LINGO1: variants seen among roughly 807,000 people sequenced by gnomAD.
LINGO1 encodes the protein leucine rich repeat and Ig domain containing 1.
In LINGO1, 11 loss-of-function variants were observed where a neutral mutation model predicts 37.3. The ratio of observed to expected loss-of-function variants is 0.29; its 90% CI spans 0.19 to 0.49. The LOEUF (loss-of-function observed/expected upper bound fraction) is 0.49. Among genes scored for constraint, LINGO1 ranks in the 20% least tolerant of loss-of-function variants. The probability of loss-of-function intolerance (pLI) is 0.99; values close to 1 mark genes in which losing one functional copy is unlikely to be tolerated. For missense variants in LINGO1, 585 were observed against 878.2 expected (o/e 0.67, Z 4.22); for synonymous variants, 387 against 403.0 (o/e 0.96, Z 0.48).
At chr15:77,739,233 GT>G (rs1306852175) in intron 1 of LINGO1, among the ~76,000 whole-genome samples, 1 of 152,234 alleles carries the variant, frequency 6.6e-6, no homozygotes, top group Non-Finnish European at 1.5e-5. Context: ...GGTCCAGGGA[GT>G]TTTTTCCTTT....
chr15:77,644,562 A>G (rs2074581885), intron 3 of LINGO1, among the ~76,000 whole-genome samples: 1 of 152,168 alleles, frequency 6.6e-6, no homozygotes, highest in Admixed American at 6.5e-5. Context: ...ATACCAGGAG[A>G]GCAAGACAGA....
At chr15:77,664,170 T>TGTGTGTGTGTGTGTGTGTGTGTGTGTGC in intron 3 of LINGO1, among the ~76,000 whole-genome samples, 4 of 130,946 alleles carry the variant, frequency 3.1e-5, no homozygotes, top group African/African-American at 1.5e-4. Context: ...TGTGTGTGTG[T>TGTGTGTGTGTGTGTGTGTGTGTGTGTGC]GCGCGCGCGC....
intron 1 of LINGO1, among the ~76,000 whole-genome samples, chr15:77,775,496 G>A (rs1441875581): frequency 6.6e-6 from 1 of 152,156 alleles, no homozygotes; most frequent in Non-Finnish European, 1.5e-5. Flanking sequence ...TGGCTGGGTG[G>A]CTGAAGGCCA....
chr15:77,673,663 A>G (rs1157248670), intron 3 of LINGO1, among the ~76,000 whole-genome samples: 1 of 151,618 alleles, frequency 6.6e-6, no homozygotes, highest in Non-Finnish European at 1.5e-5. Flanking sequence ...TTTTCTGTCT[A>G]CTCTCCTTCC....
intron 1 of LINGO1, among the ~76,000 whole-genome samples, chr15:77,810,249 C>CAT (rs1567596131): frequency 1.5e-5 from 2 of 129,998 alleles, no homozygotes; most frequent in African/African-American, 5.2e-5. Flanking sequence ...CACACACACA[C>CAT]GCATACACAT....
chr15:77,796,713 T>C (rs1270756676), intron 1 of LINGO1, among the ~76,000 whole-genome samples: 3 of 55,610 alleles, frequency 5.4e-5, no homozygotes, highest in Non-Finnish European at 1.2e-4. Flanking sequence ...TCTCCTGCCT[T>C]TTTTTTTTTT....
intron 3 of LINGO1, among the ~76,000 whole-genome samples, chr15:77,665,813 G>T (rs544780242): frequency 3.3e-5 from 5 of 152,336 alleles, no homozygotes; most frequent in African/African-American, 1.2e-4. Context: ...AGTTCCCTCT[G>T]CCTGTGGTAC....
At chr15:77,693,849 A>G (rs1411610771) in intron 1 of LINGO1, among the ~76,000 whole-genome samples, 1 of 152,194 alleles carries the variant, frequency 6.6e-6, no homozygotes, top group Non-Finnish European at 1.5e-5. Flanking sequence ...CTTCTACCAT[A>G]GACAAGGACT....
At chr15:77,672,210 G>A (rs112131765) in intron 3 of LINGO1, among the ~76,000 whole-genome samples, 70 of 130,716 alleles carry the variant, frequency 5.4e-4, no homozygotes, top group Non-Finnish European at 3.3e-4. Context: ...ACTCAGTGCC[G>A]CCTCCCTCTC....
At chr15:77,794,925 C>T (rs1038072099) in intron 2 of LINGO1, among the ~76,000 whole-genome samples, 2 of 152,084 alleles carry the variant, frequency 1.3e-5, no homozygotes, top group Non-Finnish European at 2.9e-5. Flanking sequence ...TCCAGGCCTC[C>T]GCTCCCACCA....
chr15:77,702,438 T>A lies in LINGO1; in HGVS notation c.-194-11537A>T, dbSNP rs182013401. ...TCAGGTATCACAGATGACCCCACCC[T>A]CCACCCCAGGGGCCTGGGGAGGAGG... On this transcript the variant is annotated intron_variant, in intron 2 of 3. Transcript: ENST00000561686. Among the ~76,000 whole-genome samples the A allele has an allele frequency of 3.3e-5, 5 of 152,194 alleles. No homozygotes were observed. The East Asian group carries it at 7.7e-4, about 24-fold the overall frequency.
chr15:77,815,706 G>A (rs946564004), intron 1 of LINGO1, among the ~76,000 whole-genome samples: 2 of 152,152 alleles, frequency 1.3e-5, no homozygotes, highest in African/African-American at 4.8e-5. Context: ...GAACTCTGAC[G>A]ACCTAGATCA....
chr15:77,667,772 T>C (rs2075164922), intron 3 of LINGO1: 2 of 152,174 alleles, frequency 1.3e-5, no homozygotes, highest in Admixed American at 1.3e-4. Flanking sequence ...GCCTGTTTAT[T>C]TGGAGATGAA....
intron 1 of LINGO1, among the ~76,000 whole-genome samples, chr15:77,766,290 C>G (rs2076527498): frequency 8.7e-6 from 1 of 114,794 alleles, no homozygotes; most frequent in Non-Finnish European, 1.6e-5. Context: ...AGAAGGAGAC[C>G]CTGTCTCAAA....
At chr15:77,770,298 T>C (rs2076571007) in intron 1 of LINGO1, among the ~76,000 whole-genome samples, 1 of 152,128 alleles carries the variant, frequency 6.6e-6, no homozygotes, top group Non-Finnish European at 1.5e-5. Flanking sequence ...CTTAAAGATG[T>C]GGCAACTGGC....
intron 2 of LINGO1, among the ~76,000 whole-genome samples, chr15:77,718,420 C>T (rs58395512): frequency 0.093 from 14,091 of 150,926 alleles, 1,253 homozygotes; most frequent in Middle Eastern, 0.14. Flanking sequence ...ACACACGTGT[C>T]AACATGCACA....
At chr15:77,812,498 C>T (rs1256851333) in intron 1 of LINGO1, among the ~76,000 whole-genome samples, 1 of 152,166 alleles carries the variant, frequency 6.6e-6, no homozygotes, top group Non-Finnish European at 1.5e-5. Context: ...AGGAGGTGGG[C>T]AAAAGCTCCC....
chr15:77,754,973 C>T (rs970155369), intron 1 of LINGO1, among the ~76,000 whole-genome samples: 3 of 152,234 alleles, frequency 2.0e-5, no homozygotes, highest in Admixed American at 6.5e-5. Context: ...AGGTAAGACA[C>T]TTTTTGACTT....
At chr15:77,685,985 G>A (rs2075503219) in intron 2 of LINGO1, among the ~76,000 whole-genome samples, 1 of 152,204 alleles carries the variant, frequency 6.6e-6, no homozygotes, top group Non-Finnish European at 1.5e-5. Context: ...TTCCCCAGGT[G>A]GGTGGTGGGC....
Sources: gnomAD v4.1 joint callset for allele counts (sites outside exome capture counted in the v4.1 genomes callset) on GRCh38, gnomAD v4.1.1 for gene constraint, MANE v1.5 for transcripts, NCBI Gene and HGNC (gene_info 2026-07-23, HGNC 2026-07-21) for gene names.